The following RREB1 variants were observed in gnomAD, a reference collection of about 807,000 sequenced individuals.
The protein encoded by RREB1 is ras-responsive element-binding protein 1.
A neutral mutation model predicts 117.8 loss-of-function variants in RREB1; 27 were observed. The ratio of observed to expected loss-of-function variants is 0.23; its 90% CI spans 0.17 to 0.32. The LOEUF (loss-of-function observed/expected upper bound fraction) is 0.32, where lower values mean the gene tolerates loss of function less well. RREB1 is among the 10% of genes least tolerant of loss of function. The pLI is 1.00. For missense variants in RREB1, 2,577 were observed against 2,378.2 expected, an observed-to-expected ratio of 1.08 and a Z score of -1.74; for synonymous variants, 1,298 against 1,026.7, an observed-to-expected ratio of 1.26 and a Z score of -5.05.
rs749125416 is a variant in RREB1, at chr6:7,229,794, C to G, written c.1695C>G (p.Ser565=). 5 of 1,609,490 alleles carry G rather than the reference C, an allele frequency of 3.1e-6. No homozygotes were observed. The highest frequency in any genetic ancestry group is 2.2e-5 in the South Asian group (2 of 90,862). ...EAASNAHLLQ[S]KSGTQPHAAT... is the part of the protein sequence containing the mutation. ...CCTCCAACGCCCACCTGCTGCAGTC[C>G]AAGTCCGGGACCCAGCCCCACGCGG... The change falls in exon 10 of 13, where the codon TCC becomes TCG. Residue 565 remains serine, a synonymous_variant. Coordinates refer to ENST00000379938, the MANE Select transcript of RREB1 (RefSeq NM_001003699.4). The surrounding 1 kb of genome is among the most constrained non-coding windows in gnomAD (Gnocchi z 4.5).
chr6:7,233,397 C>T (rs534447516), intron 10 of RREB1, among the ~76,000 whole-genome samples: 97 of 152,130 alleles, frequency 6.4e-4, no homozygotes, highest in African/African-American at 2.3e-3. Flanking sequence ...TTGAACTAAG[C>T]GCAAATTAGT....
At chr6:7,248,245 T>C (rs1293542781) in intron 12 of RREB1, among the ~76,000 whole-genome samples, 1 of 152,236 alleles carries the variant, frequency 6.6e-6, no homozygotes, top group East Asian at 1.9e-4. Flanking sequence ...CTTCTGCTTC[T>C]GGGACCTGGG....
chr6:7,193,981 T>G (rs1222108884), intron 6 of RREB1, among the ~76,000 whole-genome samples: 1 of 152,244 alleles, frequency 6.6e-6, no homozygotes, highest in Non-Finnish European at 1.5e-5. Flanking sequence ...ACTCTTTTCC[T>G]CATTCTCAAC....
intron 6 of RREB1, among the ~76,000 whole-genome samples, chr6:7,207,592 T>A (rs1466311157): frequency 6.6e-6 from 1 of 152,180 alleles, no homozygotes; most frequent in Admixed American, 6.5e-5. Flanking sequence ...CTGGAGGTCA[T>A]AGTGCCAGCC....
At chr6:7,219,606 C>T (rs1192842318) in intron 8 of RREB1, among the ~76,000 whole-genome samples, 2 of 152,276 alleles carry the variant, frequency 1.3e-5, no homozygotes, top group East Asian at 3.9e-4. Flanking sequence ...CTTTCCAGCC[C>T]AGCAAGGGTC....
chr6:7,247,314 C>T, intron 12 of RREB1, 93 bp downstream of exon 12: 1 of 1,166,816 alleles, frequency 8.6e-7, no homozygotes, highest in Non-Finnish European at 1.2e-6. Context: ...TGGAGGCCAC[C>T]GAGAGAACGT....
chr6:7,220,838 A>T (rs1294552805), intron 8 of RREB1, among the ~76,000 whole-genome samples: 1 of 152,188 alleles, frequency 6.6e-6, no homozygotes, highest in Non-Finnish European at 1.5e-5. Context: ...TTGAGGAGAG[A>T]GTCGTGGGGA....
chr6:7,180,971 G>A (rs1764763994), intron 2 of RREB1, among the ~76,000 whole-genome samples, 153 bp from the exon 3 acceptor site: 1 of 152,228 alleles, frequency 6.6e-6, no homozygotes, highest in African/African-American at 2.4e-5. Context: ...GTAGAATGTG[G>A]TTTTGGAAGA....
intron 8 of RREB1, chr6:7,212,057 A>G (rs1345313674): frequency 7.0e-6 from 2 of 283,734 alleles, no homozygotes; most frequent in Admixed American, 4.8e-5. Flanking sequence ...TCAAATGACT[A>G]TTAGCAATGC....
At chr6:7,111,240 G>T (rs888005119) in intron 1 of RREB1, among the ~76,000 whole-genome samples, 7 of 152,196 alleles carry the variant, frequency 4.6e-5, no homozygotes, top group African/African-American at 1.7e-4. Flanking sequence ...GAACTGTTGC[G>T]TTATTCCACT....
At chr6:7,204,426 C>T (rs977123734) in intron 6 of RREB1, among the ~76,000 whole-genome samples, 3 of 151,188 alleles carry the variant, frequency 2.0e-5, no homozygotes, top group Admixed American at 6.6e-5. Flanking sequence ...GTTAGGAAAA[C>T]ATACACACAT....
intron 8 of RREB1, chr6:7,215,826 C>G (rs896255146): frequency 3.3e-5 from 5 of 152,178 alleles, no homozygotes; most frequent in African/African-American, 1.2e-4. Context: ...TGACCCCAGC[C>G]CGTCTTGGCT....
intron 12 of RREB1, among the ~76,000 whole-genome samples, chr6:7,247,644 C>T (rs945959210): frequency 6.6e-6 from 1 of 152,138 alleles, no homozygotes; most frequent in South Asian, 2.1e-4. Context: ...GGGGCAGGCA[C>T]CCTGGGTGAT....
At chr6:7,130,181 G>T (rs1288391273) in intron 1 of RREB1, among the ~76,000 whole-genome samples, 2 of 152,206 alleles carry the variant, frequency 1.3e-5, no homozygotes, top group Admixed American at 1.3e-4. Context: ...AGCAAGTCTG[G>T]ATAAATGACT....
At chr6:7,173,095 G>C (rs1180935050) in intron 1 of RREB1, among the ~76,000 whole-genome samples, 3 of 152,162 alleles carry the variant, frequency 2.0e-5, no homozygotes, top group Non-Finnish European at 4.4e-5. Flanking sequence ...CCAAGTATTT[G>C]AGGGTGTTGT....
chr6:7,235,171 C>G (rs1768240171), intron 10 of RREB1, among the ~76,000 whole-genome samples: 1 of 152,204 alleles, frequency 6.6e-6, no homozygotes, highest in Admixed American at 6.5e-5. Flanking sequence ...ATCACCACTG[C>G]TAAATCATGT....
chr6:7,188,441 C>T lies in RREB1; in HGVS notation c.262-718C>T, dbSNP rs546735474. Among the ~76,000 whole-genome samples the T allele has an allele frequency of 3.0e-4, 46 of 152,130 alleles. No individual in the cohort carries two copies. The East Asian group carries it at 4.3e-3, about 14-fold the overall frequency. ...AATTTTTTTATATTTTTAGTAGAGA[C>T]GGGGTTTCAGCACGTTTATATTAGT... On this transcript the variant is annotated intron_variant, in intron 5 of 12. Transcript: ENST00000379938.
At chr6:7,225,035 C>A (rs1431148066) in intron 8 of RREB1, among the ~76,000 whole-genome samples, 1 of 152,216 alleles carries the variant, frequency 6.6e-6, no homozygotes, top group Non-Finnish European at 1.5e-5. Context: ...ACTGGCACTT[C>A]TTCCTTTCAG....
At chr6:7,225,652 T>C (rs1281234256) in intron 8 of RREB1, among the ~76,000 whole-genome samples, 1 of 152,192 alleles carries the variant, frequency 6.6e-6, no homozygotes, top group Non-Finnish European at 1.5e-5. Context: ...GATTTTGAAG[T>C]GGACTGCCTC....
Sources: allele counts gnomAD v4.1 joint callset (sites outside exome capture counted in the v4.1 genomes callset), GRCh38; gene constraint gnomAD v4.1.1; non-coding constraint Gnocchi (gnomAD v3.1); transcripts MANE v1.5; gene names NCBI Gene and HGNC (gene_info 2026-07-23, HGNC 2026-07-21).